LAMC1: variants seen among roughly 807,000 people sequenced by gnomAD.
LAMC1 encodes laminin subunit gamma-1.
LAMC1 carries 38 observed loss-of-function variants against 173.6 expected under a neutral mutation model. The observed-to-expected ratio is 0.22, with a 90% CI of 0.17 to 0.29. The LOEUF is 0.29. Ranked by LOEUF, LAMC1 falls within the 10% of genes least tolerant of loss-of-function variation. The probability of loss-of-function intolerance (pLI) is 1.00; values close to 1 mark genes in which losing one functional copy is unlikely to be tolerated. For missense variants in LAMC1, 1,824 were observed against 2,051.8 expected (o/e 0.89, Z 2.14); for synonymous variants, 746 against 749.1 (o/e 1.00, Z 0.07).
At chr1:183,122,783 A>G (rs914372867) in intron 13 of LAMC1, among the ~76,000 whole-genome samples, 1 of 152,152 alleles carries the variant, frequency 6.6e-6, no homozygotes, top group South Asian at 2.1e-4. Context: ...TATTTATCCC[A>G]TGGCCCCTTC....
At position 183,077,776 on chromosome 1, in the gene LAMC1, G is replaced by GTGTATATATATA; in HGVS notation, c.419-25551_419-25550insGTATATATATAT. ...TGAATAGTATTTTTATGGCCATTGT[G>GTGTATATATATA]TATATATATATATATATATACAGTA... is the stretch of plus-strand genomic sequence containing the variant. On this transcript the variant is annotated intron_variant, in intron 1 of 27. Coordinates refer to ENST00000258341, the MANE Select transcript of LAMC1 (RefSeq NM_002293.4). 2.7e-4 allele frequency among the ~76,000 whole-genome samples: 32 copies of GTGTATATATATA among 116,560 alleles called. 2 individuals carry two copies. Among genetic ancestry groups the GTGTATATATATA allele is most frequent in the African/African-American group, 8.7e-4 (30 of 34,534 alleles). The allele number at this position is 116,560 out of a possible 152,430, so 76.5% of individuals were successfully genotyped here.
At chr1:183,066,582 A>G (rs539057390) in intron 1 of LAMC1, among the ~76,000 whole-genome samples, 198 of 152,334 alleles carry the variant, frequency 1.3e-3, no homozygotes, top group African/African-American at 4.7e-3. Flanking sequence ...TAGACTGGAT[A>G]AAGGAAATGT....
At chr1:183,046,281 T>C (rs555422628) in intron 1 of LAMC1, among the ~76,000 whole-genome samples, 1 of 152,208 alleles carries the variant, frequency 6.6e-6, no homozygotes, top group South Asian at 2.1e-4. Flanking sequence ...TTCCAACTTA[T>C]TCTTCTATTT....
chr1:183,117,333 G>A lies in LAMC1; in HGVS notation c.1578G>A (p.Trp526Ter). 6.2e-7 allele frequency: 1 copy of A among 1,606,762 alleles called. No homozygotes were observed. Among genetic ancestry groups the A allele is most frequent in the Non-Finnish European group, 8.5e-7 (1 of 1,173,988 alleles). ...SSTFQIDEDG[W>*]RAEQRDGSEA... is the part of the protein sequence containing the mutation. Reference sequence around the variant, plus strand: ...CTCTACCTGCAGATGAGGATGGGTGGCGTGCGGAACAGAGAGATGGCTCTG... The same window carrying A: ...CTCTACCTGCAGATGAGGATGGGTGACGTGCGGAACAGAGAGATGGCTCTG... Residue 526 changes from tryptophan to a stop codon, truncating the protein, a stop_gained, in exon 9 of 28, where the codon TGG (tryptophan) becomes TGA (stop). Transcript: ENST00000258341. LOFTEE classifies it high-confidence loss of function.
chr1:183,059,052 T>G (rs1654675559), intron 1 of LAMC1, among the ~76,000 whole-genome samples: 1 of 152,256 alleles, frequency 6.6e-6, no homozygotes, highest in Non-Finnish European at 1.5e-5. Flanking sequence ...TTGTTATGCA[T>G]AGGCAGTTGC....
At chr1:183,142,047 A>G (rs1156508364) in intron 27 of LAMC1, among the ~76,000 whole-genome samples, 2 of 152,170 alleles carry the variant, frequency 1.3e-5, no homozygotes, top group African/African-American at 4.8e-5. Flanking sequence ...AAGGCTCCTA[A>G]TAGTGTCTAA....
chr1:183,133,687 G>C (rs1436474795), intron 22 of LAMC1, 137 bp downstream of exon 22: 13 of 825,898 alleles, frequency 1.6e-5, no homozygotes. Flanking sequence ...TACGCTAATA[G>C]AACTTACCAA....
chr1:183,060,422 T>C (rs941889036), intron 1 of LAMC1, among the ~76,000 whole-genome samples: 1 of 151,934 alleles, frequency 6.6e-6, no homozygotes, highest in African/African-American at 2.4e-5. Flanking sequence ...ATTACCCCTT[T>C]ACCCTGTCCC....
Position 183,117,324 on chromosome 1 carries a change from G to T in LAMC1, c.1569G>T (p.Glu523Asp). ...YSISSTFQID[E>D]DGWRAEQRDG... Reference sequence around the variant, plus strand: ...GTTTTCCTTCTCTACCTGCAGATGAGGATGGGTGGCGTGCGGAACAGAGAG... The same window carrying T: ...GTTTTCCTTCTCTACCTGCAGATGATGATGGGTGGCGTGCGGAACAGAGAG... Residue 523 changes from glutamate (E) to aspartate (D), a missense_variant, in exon 9 of 28, where the codon GAG (glutamate) becomes GAT (aspartate). Coordinates refer to ENST00000258341, the MANE Select transcript of LAMC1 (RefSeq NM_002293.4). The T allele has an allele frequency of 1.2e-6, 2 of 1,604,268 alleles. No homozygotes were observed. The highest frequency in any genetic ancestry group is 1.1e-5 in the South Asian group (1 of 90,796).
At chr1:183,055,391 C>T (rs559280152) in intron 1 of LAMC1, among the ~76,000 whole-genome samples, 1 of 151,888 alleles carries the variant, frequency 6.6e-6, no homozygotes, top group African/African-American at 2.4e-5. Flanking sequence ...TTGATACCTG[C>T]TTAGGGTGAC....
In LAMC1 at chr1:183,143,238, A is replaced by G. The variant is rs1278173744; in HGVS notation, c.*448A>G. Reference sequence around the variant, plus strand: ...ACAGTAGCATTGTGATGGCCAGTATATCCAGTCCATGGATAAAGAAAATGC... The same window carrying G: ...ACAGTAGCATTGTGATGGCCAGTATGTCCAGTCCATGGATAAAGAAAATGC... On this transcript the variant is annotated 3_prime_UTR_variant, in exon 28 of 28. Transcript: ENST00000258341. 1 of 159,366 alleles carries G rather than the reference A, an allele frequency of 6.3e-6. No homozygotes were observed. The highest frequency in any genetic ancestry group is 1.4e-5 in the Non-Finnish European group (1 of 71,612). The allele number at this position is 159,366 out of a possible 1,614,324, so 9.9% of individuals were successfully genotyped here. A position where few individuals can be genotyped will look rare whatever the true frequency, so the allele number is the denominator to read the frequency against.
At position 183,103,346 on chromosome 1, in the gene LAMC1, C is replaced by T; in HGVS notation, c.437C>T (p.Thr146Ile). ...TLHLGKAFDI[T>I]YVRLKFHTSR... Reference sequence around the variant, plus strand: ...CCCACAGGAAAAGCTTTTGACATCACCTATGTGCGTCTCAAGTTCCACACC... The same window carrying T: ...CCCACAGGAAAAGCTTTTGACATCATCTATGTGCGTCTCAAGTTCCACACC... The change falls in exon 2 of 28, where the codon ACC (threonine) becomes ATC (isoleucine). Residue 146 changes from threonine to isoleucine, a missense_variant. Transcript: ENST00000258341. The T allele has an allele frequency of 6.2e-7, 1 of 1,613,914 alleles. No homozygotes were observed. Among genetic ancestry groups the T allele is most frequent in the Non-Finnish European group, 8.5e-7 (1 of 1,179,870 alleles).
chr1:183,097,994 T>TG (rs67685405), intron 1 of LAMC1, among the ~76,000 whole-genome samples: 6,934 of 152,250 alleles, frequency 0.046, 341 homozygotes, highest in African/African-American at 0.12. Flanking sequence ...GTTGAATAGT[T>TG]GCTGGAATAC....
chr1:183,101,498 A>T (rs1054316268), intron 1 of LAMC1, among the ~76,000 whole-genome samples: 2 of 151,562 alleles, frequency 1.3e-5, no homozygotes, highest in Admixed American at 6.6e-5. Flanking sequence ...TGTACCAGGA[A>T]CAGTCAGGTC....
At chr1:183,127,817 G>T (rs4651140) in intron 17 of LAMC1, among the ~76,000 whole-genome samples, 78,733 of 151,930 alleles carry the variant, frequency 0.52, 21,090 homozygotes, top group South Asian at 0.65. Context: ...TTTTTAAGAC[G>T]GGAGAGGTTG....
chr1:183,063,363 T>C (rs2102033722), intron 1 of LAMC1, among the ~76,000 whole-genome samples: 1 of 152,296 alleles, frequency 6.6e-6, no homozygotes, highest in East Asian at 1.9e-4. Context: ...AACACCTCAT[T>C]AGAAATACTC....
At position 183,117,425 on chromosome 1, in the gene LAMC1, G is replaced by A. The variant is rs759009746; in HGVS notation, c.1670G>A (p.Arg557Gln). Reference sequence around the variant, plus strand: ...GTGATCTCAGACAGCTACTTTCCTCGGTACTTCATTGCTCCTGGTAAGTAA... The same window carrying A: ...GTGATCTCAGACAGCTACTTTCCTCAGTACTTCATTGCTCCTGGTAAGTAA... The part of the protein sequence containing the change: ...IAVISDSYFP[R>Q]YFIAPAKFLG... Residue 557 changes from arginine (R) to glutamine (Q), a missense_variant, in exon 9 of 28, where the codon CGG (arginine) becomes CAG (glutamine). Transcript: ENST00000258341. The A allele has an allele frequency of 3.7e-6, 6 of 1,613,570 alleles. No homozygotes were observed. Among genetic ancestry groups the A allele is most frequent in the Non-Finnish European group, 5.1e-6 (6 of 1,179,594 alleles).
At chr1:183,057,404 T>C (rs1654626290) in intron 1 of LAMC1, among the ~76,000 whole-genome samples, 1 of 152,220 alleles carries the variant, frequency 6.6e-6, no homozygotes, top group South Asian at 2.1e-4. Flanking sequence ...CTCGTTTCAC[T>C]AGGTTGCCTG....
At chr1:183,120,516 A>G (rs1357301295) in intron 11 of LAMC1, among the ~76,000 whole-genome samples, 2 of 152,306 alleles carry the variant, frequency 1.3e-5, no homozygotes, top group African/African-American at 2.4e-5. Flanking sequence ...TTTCAAATGA[A>G]TTTTATAAAC....
Sources: allele counts gnomAD v4.1 joint callset (sites outside exome capture counted in the v4.1 genomes callset), GRCh38; gene constraint gnomAD v4.1.1; transcripts MANE v1.5; gene names NCBI Gene and HGNC (gene_info 2026-07-23, HGNC 2026-07-21).